The following PUS7L variants were observed in gnomAD, a reference collection of about 807,000 sequenced individuals.
PUS7L encodes the protein pseudouridine synthase 7 like.
A neutral mutation model predicts 51.1 loss-of-function variants in PUS7L; 49 were observed. The observed-to-expected ratio is 0.96, with a 90% CI of 0.76 to 1.22. The LOEUF (loss-of-function observed/expected upper bound fraction) is 1.22. Ranked by LOEUF, PUS7L falls within the 50% of genes most tolerant of loss-of-function variation. The probability of loss-of-function intolerance (pLI) is 0.00; values close to 1 mark genes in which losing one functional copy is unlikely to be tolerated. For missense variants in PUS7L, 828 were observed against 820.6 expected (o/e 1.01, Z -0.11); for synonymous variants, 277 against 276.2 (o/e 1.00, Z -0.03).
rs569307430 is a variant in PUS7L at position 43,749,485 on chromosome 12, C to A, written c.911-876G>T. ...GATTTCAAGAGCAAACAATCTAAGA[C>A]CAGGCTGGGCAACATATGGAGACCC... On this transcript the variant is annotated intron_variant, in intron 2 of 8. Coordinates refer to ENST00000344862, the MANE Select transcript of PUS7L (RefSeq NM_031292.5). Among the ~76,000 whole-genome samples, 4 of 152,148 alleles carry A rather than the reference C, an allele frequency of 2.6e-5. No individual in the cohort carries two copies. In the East Asian group the frequency reaches 7.7e-4, roughly 29 times the overall value.
chr12:43,749,643 C>A (rs1486771998), intron 2 of PUS7L, among the ~76,000 whole-genome samples: 1 of 152,088 alleles, frequency 6.6e-6, no homozygotes, highest in Non-Finnish European at 1.5e-5. Context: ...GCACTCCAGC[C>A]TGGGTGAAAG....
rs370773456 is a variant in PUS7L at position 43,755,086 on chromosome 12, T to G, written c.160A>C (p.Ile54Leu). ...QLVNKTIDEP[I>L]FKISEIQLEP... ...AGTTGTATTTCACTAATCTTGAAAA[T>G]AGGCTCATCGATGGTCTTATTAACT... is the stretch of plus-strand genomic sequence containing the variant. Residue 54 changes from isoleucine to leucine, a missense_variant, in exon 2 of 9, where the codon ATT (isoleucine) becomes CTT (leucine). Transcript: ENST00000344862. The G allele has an allele frequency of 1.2e-6, 2 of 1,613,620 alleles. No individual in the cohort carries two copies. Among genetic ancestry groups the G allele is most frequent in the Non-Finnish European group, 1.7e-6 (2 of 1,179,798 alleles).
rs1944368541 is a variant in PUS7L, at chr12:43,719,301, AC to A, written c.*11074del. On this transcript the variant is annotated 3_prime_UTR_variant, in exon 9 of 9. Transcript: ENST00000344862. ...CACATAAAATTCAAAATCAGACAAA[AC>A]TGTGTATTTTTTAGGAATGAATACA... 6.6e-6 allele frequency: 1 copy of A among 152,198 alleles called. No homozygotes were observed. Among genetic ancestry groups the A allele is most frequent in the Non-Finnish European group, 1.5e-5 (1 of 68,024 alleles). 9.4% of individuals were successfully genotyped at this position (152,198 alleles called of 1,614,324 possible). A position where few individuals can be genotyped will look rare whatever the true frequency, so the allele number is the denominator to read the frequency against.
Position 43,722,982 on chromosome 12 carries a change from CT to C in PUS7L, c.*7393del, listed in dbSNP as rs558741620. 5 of 152,170 alleles carry C rather than the reference CT, an allele frequency of 3.3e-5. No homozygotes were observed. The East Asian group carries it at 9.6e-4, about 29-fold the overall frequency. The allele number at this position is 152,170 out of a possible 1,614,324, so 9.4% of individuals were successfully genotyped here. A position where few individuals can be genotyped will look rare whatever the true frequency, so the allele number is the denominator to read the frequency against. On this transcript the variant is annotated 3_prime_UTR_variant, in exon 9 of 9. Coordinates refer to ENST00000344862, the MANE Select transcript of PUS7L (RefSeq NM_031292.5). ...TCTCTTTTAAAATAACCAAATAGCT[CT>C]TGTTTTGACTCCATGGCTAAACTCC...
intron 4 of PUS7L, 66 bp from the exon 5 acceptor site, chr12:43,742,621 T>C (rs554952777): frequency 5.4e-6 from 8 of 1,479,290 alleles, no homozygotes; most frequent in East Asian, 2.5e-5. Context: ...AAATACACAA[T>C]TGAATTTTTC....
rs958720049 is a variant in PUS7L at position 43,721,484 on chromosome 12, T to C, written c.*8892A>G. 1.3e-5 allele frequency: 2 copies of C among 152,212 alleles called. No individual in the cohort carries two copies. The highest frequency in any genetic ancestry group is 2.9e-5 in the Non-Finnish European group (2 of 68,028). 9.4% of individuals were successfully genotyped at this position (152,212 alleles called of 1,614,324 possible). A position where few individuals can be genotyped will look rare whatever the true frequency, so the allele number is the denominator to read the frequency against. On this transcript the variant is annotated 3_prime_UTR_variant, in exon 9 of 9. Coordinates refer to ENST00000344862, the MANE Select transcript of PUS7L (RefSeq NM_031292.5). ...ACTATTTCAGAACTTTCTTGAGATG[T>C]GTATTCAGCAAATAAATTTGCTAAG...
At chr12:43,744,736 T>C (rs11182244) in intron 4 of PUS7L, among the ~76,000 whole-genome samples, 11,907 of 152,294 alleles carry the variant, frequency 0.078, 490 homozygotes, top group Middle Eastern at 0.17. Flanking sequence ...TGTTTTCCTG[T>C]TGGACAGGTA....
chr12:43,751,701 G>T (rs1938456113), intron 2 of PUS7L, among the ~76,000 whole-genome samples: 1 of 152,096 alleles, frequency 6.6e-6, no homozygotes, highest in African/African-American at 2.4e-5. Flanking sequence ...ATAATCCTTT[G>T]GGTATATACC....
chr12:43,745,007 C>T (rs1053555985), intron 4 of PUS7L, among the ~76,000 whole-genome samples: 2 of 152,172 alleles, frequency 1.3e-5, no homozygotes, highest in African/African-American at 4.8e-5. Flanking sequence ...TGGTCCAACA[C>T]CTGTTTTTGT....
At position 43,730,560 on chromosome 12, in the gene PUS7L, T is replaced by C. The variant is rs1944528273; in HGVS notation, c.1922A>G (p.Tyr641Cys). ...PTLKLNIPGC[Y>C]RQILKHPCNL... ...ACAGGGATGTTTCAAAATCTGTCTA[T>C]AGCAACCTGGTATATTCAGTTTCAG... The change falls in exon 9 of 9, where the codon TAT becomes TGT. Residue 641 changes from tyrosine to cysteine, a missense_variant. By Grantham distance (194) the Tyr-to-Cys change is radical (BLOSUM62 -2). Coordinates refer to ENST00000344862, the MANE Select transcript of PUS7L (RefSeq NM_031292.5). 1.2e-6 allele frequency: 2 copies of C among 1,613,738 alleles called. No homozygotes were observed. Among genetic ancestry groups the C allele is most frequent in the Non-Finnish European group, 1.7e-6 (2 of 1,179,872 alleles).
chr12:43,748,382 C>T, intron 3 of PUS7L, 68 bp downstream of exon 3: 3 of 1,151,680 alleles, frequency 2.6e-6, no homozygotes, highest in Non-Finnish European at 3.7e-6. Flanking sequence ...TGTTTAGAAA[C>T]CATTTAGACA....
Position 43,726,887 on chromosome 12 carries a change from A to C in PUS7L, c.*3489T>G, listed in dbSNP as rs1229135458. 2 of 152,200 alleles carry C rather than the reference A, an allele frequency of 1.3e-5. No homozygotes were observed. Among genetic ancestry groups the C allele is most frequent in the Non-Finnish European group, 2.9e-5 (2 of 68,038 alleles). The allele number at this position is 152,200 out of a possible 1,614,324, so 9.4% of individuals were successfully genotyped here. A position where few individuals can be genotyped will look rare whatever the true frequency, so the allele number is the denominator to read the frequency against. On this transcript the variant is annotated 3_prime_UTR_variant, in exon 9 of 9. Coordinates refer to ENST00000344862, the MANE Select transcript of PUS7L (RefSeq NM_031292.5). The stretch of plus-strand genomic sequence containing the variant: ...AAACTAAATAGCTTCTGCACAGCCA[A>C]AGAAACTATCAACAGAGTAAACTGA...
In PUS7L at chr12:43,723,011, C is replaced by G. The variant is rs928318136; in HGVS notation, c.*7365G>C. On this transcript the variant is annotated 3_prime_UTR_variant, in exon 9 of 9. Transcript: ENST00000344862. ...TTTTGACTCCATGGCTAAACTCCAT[C>G]CTTGCAACAGGAGTTTTATTTCTAC... 6.6e-6 allele frequency: 1 copy of G among 152,118 alleles called. No homozygotes were observed. Among genetic ancestry groups the G allele is most frequent in the African/African-American group, 2.4e-5 (1 of 41,440 alleles). 9.4% of individuals were successfully genotyped at this position (152,118 alleles called of 1,614,324 possible).
In PUS7L at chr12:43,730,672, G is replaced by C. The variant is rs757277745; in HGVS notation, c.1810C>G (p.Gln604Glu). 5.0e-6 allele frequency: 8 copies of C among 1,609,454 alleles called. No homozygotes were observed. The African/African-American group carries it at 1.1e-4, about 22-fold the overall frequency. ...TGCCCTACTTTGTTCTTCGGGTACT[G>C]AATATTGTATCCAAGTACTGGAAGA... ...VVLPVLGYNI[Q>E]YPKNKVGQWY... The change falls in exon 9 of 9, where the codon CAG becomes GAG. Residue 604 changes from glutamine (Q) to glutamate (E), a missense_variant. Gln to Glu is a conservative substitution (Grantham distance 29). Transcript: ENST00000344862.
chr12:43,751,181 T>G (rs1938422143), intron 2 of PUS7L, among the ~76,000 whole-genome samples: 1 of 150,188 alleles, frequency 6.7e-6, no homozygotes, highest in African/African-American at 2.4e-5. Flanking sequence ...AGTTATTTAT[T>G]TATTTATTTT....
At position 43,731,730 on chromosome 12, in the gene PUS7L, G is replaced by T; in HGVS notation, c.1754C>A (p.Ser585Ter). The change falls in exon 8 of 9, where the codon TCA becomes TAA. Residue 585 changes from serine to a stop codon, truncating the protein, a stop_gained. Coordinates refer to ENST00000344862, the MANE Select transcript of PUS7L (RefSeq NM_031292.5). LOFTEE classifies it low-confidence loss of function (END_TRUNC). ...CTGATGTATTGCATACATATTAGCT[G>T]ATCCCTCCTCTTCAGTTACCAGGTG... ...KIHLVTEEEG[S>*]ANMYAIHQVV... is the part of the protein sequence containing the mutation. 6.3e-7 allele frequency: 1 copy of T among 1,581,074 alleles called. No individual in the cohort carries two copies.
At chr12:43,758,652 T>TGGGGGGGGGGGGGGGGGGGGGGGG in intron 1 of PUS7L, 78 bp downstream of exon 1, 1 of 708,234 alleles carries the variant, frequency 1.4e-6, no homozygotes, top group Non-Finnish European at 1.6e-6. Context: ...GCCAACCTCG[T>TGGGGGGGGGGGGGGGGGGGGGGGG]CACCCCCCCC....
At chr12:43,742,592 T>C (rs777114626) in intron 4 of PUS7L, 37 bp from the exon 5 acceptor site, 63 of 1,512,604 alleles carry the variant, frequency 4.2e-5, no homozygotes, top group Non-Finnish European at 5.5e-5. Flanking sequence ...TAAGAGTATA[T>C]AAATACAATT....
intron 3 of PUS7L, among the ~76,000 whole-genome samples, chr12:43,747,650 C>T (rs556801957): frequency 1.3e-5 from 2 of 151,758 alleles, no homozygotes; most frequent in Non-Finnish European, 2.9e-5. Flanking sequence ...GCCAAGATTG[C>T]GTGTTGCACT....
Sources: allele counts gnomAD v4.1 joint callset (sites outside exome capture counted in the v4.1 genomes callset), GRCh38; gene constraint gnomAD v4.1.1; transcripts MANE v1.5; gene names NCBI Gene and HGNC (gene_info 2026-07-23, HGNC 2026-07-21).